RET: variants seen among roughly 807,000 people sequenced by gnomAD.
RET encodes the protein proto-oncogene tyrosine-protein kinase receptor Ret.
Under a neutral mutation model 118.3 loss-of-function variants are expected in RET, and 19 were observed. The observed-to-expected ratio is 0.16, with a 90% CI of 0.11 to 0.24. The LOEUF (loss-of-function observed/expected upper bound fraction) is 0.24. Ranked by LOEUF, RET falls within the 10% of genes least tolerant of loss-of-function variation. The pLI, the probability that RET is intolerant of heterozygous loss-of-function variation, is 1.00. For missense variants in RET, 1,219 were observed against 1,502.1 expected (o/e 0.81, Z 3.12); for synonymous variants, 597 against 644.1 (o/e 0.93, Z 1.11).
rs2132956441 is a variant in RET, at chr10:43,120,018, G to T, written c.2608-63G>T. On this transcript the variant is annotated intron_variant, in intron 14 of 19. Coordinates refer to ENST00000355710, the MANE Select transcript of RET (RefSeq NM_020975.6). Reference sequence around the variant, plus strand: ...ACCACCCCTCTGCTGGTCACACCAGGCTGAGCCAGTGACCGCTGCTGCCTG... The same window carrying T: ...ACCACCCCTCTGCTGGTCACACCAGTCTGAGCCAGTGACCGCTGCTGCCTG... 8 of 1,603,832 alleles carry T rather than the reference G, an allele frequency of 5.0e-6. No homozygotes were observed. In the Middle Eastern group the frequency reaches 7.9e-4, roughly 158 times the overall value.
intron 16 of RET, among the ~76,000 whole-genome samples, chr10:43,122,427 T>C (rs1207633311): frequency 2.0e-5 from 3 of 152,174 alleles, no homozygotes; most frequent in African/African-American, 7.2e-5. Context: ...CAAGTGGAGC[T>C]TGGGGACTCC....
At chr10:43,081,889 ACGGGCCTT>A (rs1837192280) in intron 1 of RET, among the ~76,000 whole-genome samples, 1 of 152,138 alleles carries the variant, frequency 6.6e-6, no homozygotes, top group South Asian at 2.1e-4. Flanking sequence ...ACTTTGGAGG[ACGGGCCTT>A]CTCCTGACCA....
chr10:43,104,794 G>A, intron 3 of RET, 158 bp from the exon 4 acceptor site: 1 of 1,135,466 alleles, frequency 8.8e-7, no homozygotes, highest in South Asian at 1.5e-5. Context: ...GCAAACTCGT[G>A]CTCCGAGCGC....
chr10:43,108,948 G>C (rs1837846334), intron 5 of RET, 83 bp from the exon 6 acceptor site: 1 of 1,352,596 alleles, frequency 7.4e-7, no homozygotes, highest in Admixed American at 1.7e-5. Flanking sequence ...TGTGAGTGCA[G>C]GGCTGTGTCT....
rs531766958 is a variant in RET, at chr10:43,105,358, AG to A, written c.867+170del. ...CGCCGTCTGTCCTAGGGGGAGGGGAAGGGGGAGTCCTGCCAGCACCCAGCTG... is the reference window on the plus strand; with the variant it reads ...CGCCGTCTGTCCTAGGGGGAGGGGAAGGGGAGTCCTGCCAGCACCCAGCTG... On this transcript the variant is annotated intron_variant, in intron 4 of 19. Coordinates refer to ENST00000355710, the MANE Select transcript of RET (RefSeq NM_020975.6). Among the ~76,000 whole-genome samples the A allele has an allele frequency of 4.2e-3, 642 of 152,002 alleles. 6 individuals carry two copies. Among genetic ancestry groups the A allele is most frequent in the Non-Finnish European group, 6.7e-3 (458 of 67,940 alleles).
intron 2 of RET, among the ~76,000 whole-genome samples, chr10:43,102,048 A>G (rs1427708294): frequency 6.6e-6 from 1 of 152,170 alleles, no homozygotes; most frequent in Non-Finnish European, 1.5e-5. Flanking sequence ...AGAAGTTGCC[A>G]CCATCAGAGT....
At chr10:43,113,756 G>A in intron 10 of RET, 81 bp downstream of exon 10, 2 of 1,577,356 alleles carry the variant, frequency 1.3e-6, no homozygotes, top group South Asian at 1.1e-5. Context: ...CCCAACAAGG[G>A]AGGAAATTGC....
intron 1 of RET, among the ~76,000 whole-genome samples, chr10:43,080,545 G>A (rs916334358): frequency 6.6e-6 from 1 of 152,244 alleles, no homozygotes; most frequent in Non-Finnish European, 1.5e-5. Context: ...GCTCCAGCCC[G>A]TTCTCTGGGC....
At chr10:43,124,317 C>T (rs182945098) in intron 17 of RET, among the ~76,000 whole-genome samples, 2 of 152,276 alleles carry the variant, frequency 1.3e-5, no homozygotes, top group African/African-American at 4.8e-5. Context: ...GTGCACACTG[C>T]TGGGGCGTGG....
chr10:43,102,058 T>C (rs553000295), intron 2 of RET, among the ~76,000 whole-genome samples: 2 of 152,034 alleles, frequency 1.3e-5, no homozygotes, highest in East Asian at 1.9e-4. Flanking sequence ...ACCATCAGAG[T>C]TGGGGAGCCT....
chr10:43,090,419 A>C (rs1588856655), intron 1 of RET, among the ~76,000 whole-genome samples: 2 of 152,132 alleles, frequency 1.3e-5, no homozygotes, highest in Admixed American at 1.3e-4. Flanking sequence ...TCTGTGACAG[A>C]AGGCAGTTGA....
intron 18 of RET, among the ~76,000 whole-genome samples, chr10:43,125,317 C>G (rs988982654): frequency 2.6e-5 from 4 of 152,156 alleles, no homozygotes; most frequent in African/African-American, 7.2e-5. Flanking sequence ...AAAGCAAGTG[C>G]CCAAAATTCA....
chr10:43,109,912 T>C (rs751033421), intron 6 of RET, among the ~76,000 whole-genome samples: 20 of 152,258 alleles, frequency 1.3e-4, no homozygotes, highest in Middle Eastern at 3.2e-3. Context: ...TTAAGTTGAC[T>C]TGAAACTGCA....
At chr10:43,105,302 C>A in intron 4 of RET, 109 bp downstream of exon 4, 2 of 1,524,254 alleles carry the variant, frequency 1.3e-6, no homozygotes, top group Admixed American at 1.8e-5. Flanking sequence ...GCCGACCATT[C>A]GCGCTTTCAT....
chr10:43,104,163 C>T (rs184017063), intron 3 of RET, among the ~76,000 whole-genome samples: 8 of 152,056 alleles, frequency 5.3e-5, no homozygotes, highest in Admixed American at 4.6e-4. Flanking sequence ...ACTAGGCGGT[C>T]GGAAATCATT....
chr10:43,100,300 C>T (rs1001369878), intron 1 of RET, among the ~76,000 whole-genome samples, 159 bp from the exon 2 acceptor site: 2 of 152,074 alleles, frequency 1.3e-5, no homozygotes, highest in Non-Finnish European at 2.9e-5. Context: ...TTTTCTAGCC[C>T]GTGTGTAACT....
At chr10:43,104,822 CGGA>C in intron 3 of RET, 127 bp from the exon 4 acceptor site, 1 of 1,368,312 alleles carries the variant, frequency 7.3e-7, no homozygotes, top group African/African-American at 1.4e-5. Context: ...CCCTGTGGAG[CGGA>C]GGAGGGGAGG....
At chr10:43,103,538 T>TGG (rs985109562) in intron 3 of RET, among the ~76,000 whole-genome samples, 3 of 152,068 alleles carry the variant, frequency 2.0e-5, no homozygotes, top group Non-Finnish European at 4.4e-5. Flanking sequence ...AGTCAGGAAG[T>TGG]GGGGCTCAAC....
At chr10:43,077,793 C>A (rs544680565) in intron 1 of RET, among the ~76,000 whole-genome samples, 11 of 152,362 alleles carry the variant, frequency 7.2e-5, no homozygotes, top group African/African-American at 2.4e-4. Flanking sequence ...GCTCAGCGTC[C>A]GTGCGTTCCT....
Sources: allele counts gnomAD v4.1 joint callset (sites outside exome capture counted in the v4.1 genomes callset), GRCh38; gene constraint gnomAD v4.1.1; transcripts MANE v1.5; gene names NCBI Gene and HGNC (gene_info 2026-07-23, HGNC 2026-07-21).